The following CDKL3 variants were observed in gnomAD, a reference collection of about 807,000 sequenced individuals.
The protein encoded by CDKL3 is cyclin dependent kinase like 3.
In CDKL3, 65 loss-of-function variants were observed where a neutral mutation model predicts 69.3. The ratio of observed to expected loss-of-function variants is 0.94; its 90% CI spans 0.77 to 1.15. CDKL3 has a LOEUF of 1.15. CDKL3 is among the 50% of genes most tolerant of loss of function. The pLI is 0.00. For missense variants in CDKL3, 652 were observed against 689.2 expected, an observed-to-expected ratio of 0.95 and a Z score of 0.61; for synonymous variants, 202 against 221.6, an observed-to-expected ratio of 0.91 and a Z score of 0.79.
upstream of CDKL3, among the ~76,000 whole-genome samples, chr5:134,368,403 G>T (rs1436281212): frequency 2.0e-5 from 3 of 152,118 alleles, no homozygotes; most frequent in African/African-American, 7.2e-5. Flanking sequence ...CGGATCACGA[G>T]GTCAGGAGAT....
intron 12 of CDKL3, chr5:134,299,865 A>C (rs1455506198): frequency 1.5e-6 from 1 of 651,692 alleles, no homozygotes; most frequent in South Asian, 2.1e-5. Flanking sequence ...TTCATAAGGT[A>C]CAGGGAAACT....
chr5:134,333,018 T>C (rs1212031185), intron 4 of CDKL3, among the ~76,000 whole-genome samples: 1 of 152,252 alleles, frequency 6.6e-6, no homozygotes, highest in African/African-American at 2.4e-5. Context: ...ATATCCCTTG[T>C]AAGTTGGATT....
intron 7 of CDKL3, among the ~76,000 whole-genome samples, chr5:134,308,974 T>A (rs1159739502): frequency 6.6e-6 from 1 of 152,250 alleles, no homozygotes; most frequent in East Asian, 1.9e-4. Flanking sequence ...AGATTTATAC[T>A]AATTAGATTC....
chr5:134,298,777 G>T, intron 12 of CDKL3, 67 bp from the exon 13 acceptor site: 1 of 1,561,796 alleles, frequency 6.4e-7, no homozygotes, highest in South Asian at 1.2e-5. Flanking sequence ...CCAAAACTCT[G>T]ACTTTATTAA....
chr5:134,302,871 ATAGTC>A (rs1580800184), intron 11 of CDKL3, among the ~76,000 whole-genome samples, 184 bp from the exon 12 acceptor site: 1 of 152,246 alleles, frequency 6.6e-6, no homozygotes, highest in East Asian at 1.9e-4. Context: ...AACTTTACAA[ATAGTC>A]TACTAAGTAT....
upstream of CDKL3, among the ~76,000 whole-genome samples, chr5:134,368,945 G>A (rs1758030684): frequency 6.6e-6 from 1 of 152,038 alleles, no homozygotes; most frequent in Non-Finnish European, 1.5e-5. Flanking sequence ...GAGAATTACT[G>A]GAGCCCAGAA....
At chr5:134,308,102 T>A in intron 9 of CDKL3, 36 bp downstream of exon 9, 1 of 1,560,708 alleles carries the variant, frequency 6.4e-7, no homozygotes, top group South Asian at 1.2e-5. Context: ...TACAGGAATG[T>A]TGTATTATTT....
At chr5:134,370,172 C>T (rs182733640), upstream of CDKL3, among the ~76,000 whole-genome samples, 2 of 152,324 alleles carry the variant, frequency 1.3e-5, no homozygotes, top group African/African-American at 4.8e-5. Flanking sequence ...TGTTAAGGTC[C>T]TCATTCCACC....
intron 3 of CDKL3, 100 bp downstream of exon 3, chr5:134,359,797 G>A: frequency 1.2e-6 from 1 of 822,274 alleles, no homozygotes. Context: ...TTATTGTATA[G>A]AAAAAGAATG....
intron 3 of CDKL3, among the ~76,000 whole-genome samples, chr5:134,359,160 G>A (rs569605922): frequency 6.4e-4 from 98 of 151,990 alleles, no homozygotes; most frequent in African/African-American, 2.2e-3. Context: ...TTGAGGAGGA[G>A]CACCGTCATC....
chr5:134,371,406 A>AGCGGCGGAGGGCGGAGGGAT, upstream of CDKL3: 2 of 731,992 alleles, frequency 2.7e-6, no homozygotes, highest in Non-Finnish European at 4.4e-6. Context: ...ACACTGTGGT[A>AGCGGCGGAGGGCGGAGGGAT]GCGGCGGAGG....
chr5:134,309,625 A>G (rs1768851468), intron 7 of CDKL3, among the ~76,000 whole-genome samples: 1 of 152,170 alleles, frequency 6.6e-6, no homozygotes, highest in Admixed American at 6.6e-5. Flanking sequence ...CCCTCCTTGA[A>G]GCAGCTACAG....
chr5:134,371,450 C>A (rs1758394631), upstream of CDKL3: 12 of 1,029,242 alleles, frequency 1.2e-5, no homozygotes, highest in Non-Finnish European at 1.7e-5. Flanking sequence ...AGGGAGACGT[C>A]ATTGCAGGGT....
At chr5:134,330,762 C>G (rs1161794079) in intron 4 of CDKL3, among the ~76,000 whole-genome samples, 1 of 152,154 alleles carries the variant, frequency 6.6e-6, no homozygotes, top group African/African-American at 2.4e-5. Flanking sequence ...TCGAAACATT[C>G]TCACAAGAAG....
rs566925651 is a variant in CDKL3, at chr5:134,337,280, G to A, written c.539+12969C>T. Reference sequence around the variant, plus strand: ...CATGGCTTCCCTTCACTAGGAAAGGGAAATCAATCCCTGACCCCTTGCACT... The same window carrying A: ...CATGGCTTCCCTTCACTAGGAAAGGAAAATCAATCCCTGACCCCTTGCACT... On this transcript the variant is annotated intron_variant, in intron 4 of 12. Transcript: ENST00000265334. Among the ~76,000 whole-genome samples, 383 of 152,276 alleles carry A rather than the reference G, an allele frequency of 2.5e-3. 2 individuals are homozygous for A. The highest frequency in any genetic ancestry group is 8.8e-3 in the African/African-American group (366 of 41,552).
chr5:134,359,475 A>C (rs1039137612), intron 3 of CDKL3, among the ~76,000 whole-genome samples: 1 of 152,052 alleles, frequency 6.6e-6, no homozygotes, highest in Non-Finnish European at 1.5e-5. Flanking sequence ...TCTTCCCCTA[A>C]AGGCATCCAC....
chr5:134,323,612 A>C (rs543777367), intron 4 of CDKL3, among the ~76,000 whole-genome samples: 1 of 152,330 alleles, frequency 6.6e-6, no homozygotes, highest in South Asian at 2.1e-4. Context: ...GCAATTGAAT[A>C]ATAAGATAAA....
At chr5:134,366,032 A>C (rs908890302) in intron 2 of CDKL3, among the ~76,000 whole-genome samples, 3 of 152,234 alleles carry the variant, frequency 2.0e-5, no homozygotes, top group African/African-American at 4.8e-5. Flanking sequence ...AAATTATAGA[A>C]GTCTTTAAGG....
downstream of CDKL3, among the ~76,000 whole-genome samples, chr5:134,296,865 GT>G (rs1205583111): frequency 6.6e-6 from 1 of 151,604 alleles, no homozygotes; most frequent in Non-Finnish European, 1.5e-5. Context: ...AGTAGTCTAG[GT>G]TGTAAATCAG....
Sources: allele counts gnomAD v4.1 joint callset (sites outside exome capture counted in the v4.1 genomes callset), GRCh38; gene constraint gnomAD v4.1.1; transcripts MANE v1.5; gene names NCBI Gene and HGNC (gene_info 2026-07-23, HGNC 2026-07-21).